SCAPER: variants seen among roughly 807,000 people sequenced by gnomAD.
The protein encoded by SCAPER is S phase cyclin A-associated protein in the endoplasmic reticulum.
SCAPER carries 98 observed loss-of-function variants against 182.2 expected under a neutral mutation model. The ratio of observed to expected loss-of-function variants is 0.54; its 90% CI spans 0.46 to 0.64. SCAPER has a LOEUF of 0.64. SCAPER is among the 30% of genes least tolerant of loss of function. The probability of loss-of-function intolerance (pLI) is 0.00; values close to 1 mark genes in which losing one functional copy is unlikely to be tolerated. For synonymous variants in SCAPER, 605 were observed against 564.6 expected, an observed-to-expected ratio of 1.07 and a Z score of -1.01; for missense variants, 1,432 against 1,690.0, an observed-to-expected ratio of 0.85 and a Z score of 2.68.
rs147538402 is a variant in SCAPER, at chr15:76,543,748, G to C, written c.2838+30410C>G. 1.6e-3 allele frequency among the ~76,000 whole-genome samples: 246 copies of C among 152,236 alleles called. 10 individuals carry two copies. The South Asian group carries it at 0.033, about 21-fold the overall frequency. On this transcript the variant is annotated intron_variant, in intron 23 of 31. Coordinates refer to ENST00000563290, the MANE Select transcript of SCAPER (RefSeq NM_020843.4). ...TAGGGAATTCCCTAATGCCATGAAT[G>C]CTGTGACCTCCAACTCATGACCTTG...
intron 20 of SCAPER, among the ~76,000 whole-genome samples, chr15:76,679,196 G>A (rs1439876358): frequency 6.6e-6 from 1 of 152,158 alleles, no homozygotes; most frequent in Admixed American, 6.5e-5. Flanking sequence ...AGTGTGTTTA[G>A]AGATTCAAGA....
intron 23 of SCAPER, among the ~76,000 whole-genome samples, chr15:76,527,074 C>T (rs2144447170): frequency 6.6e-6 from 1 of 152,138 alleles, no homozygotes; most frequent in African/African-American, 2.4e-5. Context: ...CAGGGTTTCA[C>T]CATGTTGGCC....
At chr15:76,881,149 G>A (rs1243521305) in intron 2 of SCAPER, among the ~76,000 whole-genome samples, 1 of 152,220 alleles carries the variant, frequency 6.6e-6, no homozygotes, top group Non-Finnish European at 1.5e-5. Context: ...AGGCTAGAGT[G>A]TAGTGATATG....
intron 23 of SCAPER, among the ~76,000 whole-genome samples, chr15:76,513,182 C>T (rs546423845): frequency 1.3e-5 from 2 of 152,250 alleles, no homozygotes; most frequent in Non-Finnish European, 2.9e-5. Flanking sequence ...TGGCACAGAG[C>T]AGGAATGGTA....
chr15:76,598,527 A>G (rs1597593733), intron 22 of SCAPER, among the ~76,000 whole-genome samples: 1 of 121,948 alleles, frequency 8.2e-6, no homozygotes, highest in Non-Finnish European at 2.0e-5. Context: ...CACTTTTCAC[A>G]ATAGCAAAGA....
At chr15:76,769,826 C>A (rs2063347970) in intron 10 of SCAPER, among the ~76,000 whole-genome samples, 1 of 152,084 alleles carries the variant, frequency 6.6e-6, no homozygotes, top group Non-Finnish European at 1.5e-5. Flanking sequence ...ACTAGAAATA[C>A]CATTTGACCC....
chr15:76,652,343 T>TATACACAC (rs1414716447), intron 21 of SCAPER, among the ~76,000 whole-genome samples: 1 of 12,232 alleles, frequency 8.2e-5, no homozygotes. Flanking sequence ...TACACATATA[T>TATACACAC]ACACACACAC....
intron 15 of SCAPER, among the ~76,000 whole-genome samples, chr15:76,733,782 T>C (rs943706246): frequency 2.7e-5 from 4 of 150,766 alleles, no homozygotes; most frequent in Non-Finnish European, 5.9e-5. Context: ...GAAAGAAATC[T>C]AACAACAGTC....
At chr15:76,609,936 C>A (rs1180127743) in intron 22 of SCAPER, among the ~76,000 whole-genome samples, 2 of 152,308 alleles carry the variant, frequency 1.3e-5, no homozygotes, top group East Asian at 3.9e-4. Flanking sequence ...TGGGTTTTCC[C>A]ATTTCACCAG....
At chr15:76,374,662 G>T (rs2042416357) in intron 29 of SCAPER, among the ~76,000 whole-genome samples, 1 of 151,646 alleles carries the variant, frequency 6.6e-6, no homozygotes. Flanking sequence ...TGTATTTTTA[G>T]TAGAGACGGG....
intron 26 of SCAPER, among the ~76,000 whole-genome samples, chr15:76,409,765 T>C (rs2045145368): frequency 6.6e-6 from 1 of 152,116 alleles, no homozygotes. Context: ...CTATCCTCGA[T>C]ATGTTAATAA....
chr15:76,769,304 G>A (rs930141572), intron 10 of SCAPER, among the ~76,000 whole-genome samples: 5 of 151,836 alleles, frequency 3.3e-5, no homozygotes, highest in African/African-American at 7.3e-5. Flanking sequence ...TTAGCCAGGC[G>A]TGGTGGCAAG....
At chr15:76,870,992 TTAA>T (rs1462128828) in intron 2 of SCAPER, among the ~76,000 whole-genome samples, 1 of 152,032 alleles carries the variant, frequency 6.6e-6, no homozygotes, top group Admixed American at 6.5e-5. Flanking sequence ...TAACCTCAAA[TTAA>T]TAAGAATAAA....
chr15:76,536,946 A>G (rs942250942), intron 23 of SCAPER, among the ~76,000 whole-genome samples: 6 of 151,734 alleles, frequency 4.0e-5, no homozygotes, highest in African/African-American at 1.5e-4. Context: ...GAGCCAAATC[A>G]TGAGTGAACT....
In SCAPER at chr15:76,675,127, T is replaced by C. The variant is rs369346648; in HGVS notation, c.2509-9338A>G. 1.2e-4 allele frequency among the ~76,000 whole-genome samples: 19 copies of C among 152,352 alleles called. No homozygotes were observed. In the East Asian group the frequency reaches 3.5e-3, roughly 28 times the overall value. ...GTGATGAGTAAGTGGAGGTTCATCATACTATTCTGTCAACTATTATGTATG... is the reference window on the plus strand; with the variant it reads ...GTGATGAGTAAGTGGAGGTTCATCACACTATTCTGTCAACTATTATGTATG... On this transcript the variant is annotated intron_variant, in intron 20 of 31. Coordinates refer to ENST00000563290, the MANE Select transcript of SCAPER (RefSeq NM_020843.4).
intron 15 of SCAPER, among the ~76,000 whole-genome samples, chr15:76,747,663 A>C (rs1233911494): frequency 6.6e-6 from 1 of 152,008 alleles, no homozygotes; most frequent in Non-Finnish European, 1.5e-5. Context: ...TTCCTGCAAA[A>C]GTTCCCTCAA....
chr15:76,781,203 T>C (rs773380580), intron 8 of SCAPER, among the ~76,000 whole-genome samples: 8 of 152,126 alleles, frequency 5.3e-5, no homozygotes, highest in Non-Finnish European at 8.8e-5. Context: ...AATGACCTGA[T>C]AGAACTGAAA....
At chr15:76,611,314 A>C (rs1261212625) in intron 22 of SCAPER, among the ~76,000 whole-genome samples, 1 of 152,152 alleles carries the variant, frequency 6.6e-6, no homozygotes, top group Non-Finnish European at 1.5e-5. Flanking sequence ...AGAAGAAAAC[A>C]TAAGAAAAAA....
intron 22 of SCAPER, among the ~76,000 whole-genome samples, chr15:76,609,918 A>G (rs1468765455): frequency 1.3e-5 from 2 of 152,170 alleles, no homozygotes; most frequent in Non-Finnish European, 2.9e-5. Context: ...GCTAATGAGC[A>G]TAAGAGTTGG....
Sources: allele counts gnomAD v4.1 joint callset (sites outside exome capture counted in the v4.1 genomes callset), GRCh38; gene constraint gnomAD v4.1.1; transcripts MANE v1.5; gene names NCBI Gene and HGNC (gene_info 2026-07-23, HGNC 2026-07-21).